The following TMPRSS15 variants were observed in gnomAD, a reference collection of about 807,000 sequenced individuals.
TMPRSS15 encodes the protein transmembrane serine protease 15.
In TMPRSS15, 128 loss-of-function variants were observed where a neutral mutation model predicts 125.3. That is an observed-to-expected ratio of 1.02 (90% CI 0.89 to 1.18). The LOEUF (loss-of-function observed/expected upper bound fraction) is 1.18. Ranked by LOEUF, TMPRSS15 falls within the 50% of genes most tolerant of loss-of-function variation. TMPRSS15 has a pLI of 0.00. For missense variants in TMPRSS15, 1,283 were observed against 1,212.7 expected (o/e 1.06, Z -0.86); for synonymous variants, 446 against 423.2 (o/e 1.05, Z -0.66).
At chr21:18,351,592 G>A (rs544088086) in intron 10 of TMPRSS15, among the ~76,000 whole-genome samples, 11 of 152,238 alleles carry the variant, frequency 7.2e-5, no homozygotes, top group East Asian at 5.8e-4. Flanking sequence ...CACGTAAGAC[G>A]TGTCTGCTTT....
At chr21:18,351,569 T>A (rs2075569458) in intron 10 of TMPRSS15, among the ~76,000 whole-genome samples, 1 of 152,166 alleles carries the variant, frequency 6.6e-6, no homozygotes. Context: ...ACTCACTGTC[T>A]CTTGCCTGCA....
chr21:18,382,099 G>A (rs2075898026), intron 4 of TMPRSS15, among the ~76,000 whole-genome samples: 1 of 151,948 alleles, frequency 6.6e-6, no homozygotes, highest in Non-Finnish European at 1.5e-5. Context: ...AGGTTAAGAG[G>A]GCAGACATTA....
intron 13 of TMPRSS15, among the ~76,000 whole-genome samples, chr21:18,338,416 G>C (rs2075414029): frequency 6.6e-6 from 1 of 151,944 alleles, no homozygotes; most frequent in Non-Finnish European, 1.5e-5. Context: ...GTATCTGTAG[G>C]AATAATTACT....
At chr21:18,379,261 T>C in intron 5 of TMPRSS15, 22 bp downstream of exon 5, 1 of 1,241,872 alleles carries the variant, frequency 8.1e-7, no homozygotes, top group Non-Finnish European at 1.1e-6. Flanking sequence ...CAAAAAATAA[T>C]AATAATATTA....
rs113457073 is a variant in TMPRSS15, at chr21:18,269,892, C to T, written c.*77G>A. On this transcript the variant is annotated 3_prime_UTR_variant, in exon 25 of 25. Coordinates refer to ENST00000284885, the MANE Select transcript of TMPRSS15 (RefSeq NM_002772.3). ...TTGGTAACTTTTTAAAATTTTTGTA[C>T]GAAACACTTAATTTCCATGCTTTCT... The T allele has an allele frequency of 1.5e-4, 239 of 1,561,980 alleles. No individual in the cohort carries two copies. In the African/African-American group the frequency reaches 1.7e-3, roughly 11 times the overall value.
chr21:18,459,464 G>T (rs1978510164), intron 1 of TMPRSS15, among the ~76,000 whole-genome samples: 1 of 151,900 alleles, frequency 6.6e-6, no homozygotes, highest in Non-Finnish European at 1.5e-5. Flanking sequence ...AGTAGAGAGA[G>T]GGTTTCACCA....
At chr21:18,409,889 CCCTT>C (rs1365668091) in intron 1 of TMPRSS15, among the ~76,000 whole-genome samples, 3 of 114,870 alleles carry the variant, frequency 2.6e-5, no homozygotes, top group African/African-American at 6.5e-5. Flanking sequence ...CTCCCTCCCT[CCCTT>C]CCTTCCTTCT....
chr21:18,378,822 C>T (rs1013523694), intron 5 of TMPRSS15, among the ~76,000 whole-genome samples: 3 of 151,928 alleles, frequency 2.0e-5, no homozygotes, highest in Non-Finnish European at 4.4e-5. Flanking sequence ...AAAGTAGATA[C>T]TTAAAAAAAA....
At chr21:18,310,761 T>A (rs2075092183) in intron 18 of TMPRSS15, among the ~76,000 whole-genome samples, 1 of 151,544 alleles carries the variant, frequency 6.6e-6, no homozygotes, top group Non-Finnish European at 1.5e-5. Context: ...GCCAAAGCAA[T>A]CCTGAGCAAA....
At chr21:18,435,765 C>A (rs919425460) in intron 1 of TMPRSS15, among the ~76,000 whole-genome samples, 1 of 152,128 alleles carries the variant, frequency 6.6e-6, no homozygotes, top group Non-Finnish European at 1.5e-5. Flanking sequence ...TGGTCCTGGA[C>A]TCTTTTTAGT....
intron 1 of TMPRSS15, among the ~76,000 whole-genome samples, chr21:18,444,727 TATTTTG>T (rs888164478): frequency 6.6e-6 from 1 of 152,202 alleles, no homozygotes; most frequent in Non-Finnish European, 1.5e-5. Context: ...CTCTTTTAGT[TATTTTG>T]AAATACTATA....
At chr21:18,374,365 CG>C (rs1158805626) in intron 5 of TMPRSS15, among the ~76,000 whole-genome samples, 1 of 147,188 alleles carries the variant, frequency 6.8e-6, no homozygotes, top group East Asian at 2.0e-4. Context: ...CCCAGCTACT[CG>C]GGAGGCTGAG....
chr21:18,415,246 T>C (rs892700976), intron 1 of TMPRSS15, among the ~76,000 whole-genome samples: 1 of 152,150 alleles, frequency 6.6e-6, no homozygotes, highest in Non-Finnish European at 1.5e-5. Context: ...CCTTATATAG[T>C]TTTGAAATGT....
At chr21:18,296,543 T>C (rs1436023006) in intron 19 of TMPRSS15, among the ~76,000 whole-genome samples, 1 of 152,228 alleles carries the variant, frequency 6.6e-6, no homozygotes, top group Non-Finnish European at 1.5e-5. Context: ...TGGAAAATGA[T>C]ACTGGCATTT....
intron 1 of TMPRSS15, among the ~76,000 whole-genome samples, chr21:18,453,065 A>G (rs1978372472): frequency 6.6e-6 from 1 of 152,166 alleles, no homozygotes; most frequent in Non-Finnish European, 1.5e-5. Context: ...GCACAACTGA[A>G]ACTTTATATC....
intron 16 of TMPRSS15, among the ~76,000 whole-genome samples, chr21:18,317,002 G>A (rs1432520236): frequency 6.6e-6 from 1 of 152,108 alleles, no homozygotes; most frequent in Non-Finnish European, 1.5e-5. Context: ...ATATGGGGAA[G>A]CAAAAGCACT....
intron 6 of TMPRSS15, among the ~76,000 whole-genome samples, chr21:18,369,166 T>C (rs1362450424): frequency 6.6e-6 from 1 of 152,174 alleles, no homozygotes; most frequent in Non-Finnish European, 1.5e-5. Flanking sequence ...TCAGAAATGT[T>C]GCCTGTAATA....
chr21:18,291,346 G>A (rs7276303), intron 21 of TMPRSS15, among the ~76,000 whole-genome samples: 123,644 of 152,214 alleles, frequency 0.81, 50,351 homozygotes, highest in Non-Finnish European at 0.83. Flanking sequence ...TTAAGGTTGT[G>A]AAAGGACAAT....
intron 1 of TMPRSS15, among the ~76,000 whole-genome samples, chr21:18,435,465 A>G (rs2076225760): frequency 6.6e-6 from 1 of 152,204 alleles, no homozygotes. Flanking sequence ...CCAGTCTTGC[A>G]TCCCAGGGAT....
Sources: allele counts gnomAD v4.1 joint callset (sites outside exome capture counted in the v4.1 genomes callset), GRCh38; gene constraint gnomAD v4.1.1; transcripts MANE v1.5; gene names NCBI Gene and HGNC (gene_info 2026-07-23, HGNC 2026-07-21).